Variants in SARAF observed in about 807,000 individuals in gnomAD.
SARAF encodes store-operated calcium entry associated regulatory factor.
Under a neutral mutation model 39.7 loss-of-function variants are expected in SARAF, and 23 were observed. The ratio of observed to expected loss-of-function variants is 0.58; its 90% CI spans 0.42 to 0.82. The LOEUF is 0.82. Ranked by LOEUF, SARAF falls within the 40% of genes least tolerant of loss-of-function variation. SARAF has a pLI of 0.00. For missense variants in SARAF, 384 were observed against 418.5 expected, an observed-to-expected ratio of 0.92 and a Z score of 0.72; for synonymous variants, 175 against 168.5, an observed-to-expected ratio of 1.04 and a Z score of -0.30.
chr8:30,076,314 CA>C (rs1471930606), intron 1 of SARAF, among the ~76,000 whole-genome samples: 1 of 152,198 alleles, frequency 6.6e-6, no homozygotes, highest in South Asian at 2.1e-4. Context: ...ACATGGTGCA[CA>C]AAATGCTAAC....
intron 5 of SARAF, among the ~76,000 whole-genome samples, chr8:30,064,751 T>A (rs896358529): frequency 1.3e-5 from 2 of 151,374 alleles, no homozygotes; most frequent in African/African-American, 4.9e-5. Context: ...TTAGCAGACA[T>A]GGGGTTTCAC....
chr8:30,080,703 A>AT (rs967930731), intron 1 of SARAF, among the ~76,000 whole-genome samples: 2 of 151,906 alleles, frequency 1.3e-5, no homozygotes, highest in Admixed American at 6.6e-5. Context: ...AATGGTGCTA[A>AT]TTTTTTTTTC....
intron 1 of SARAF, among the ~76,000 whole-genome samples, chr8:30,077,262 C>A (rs892332886): frequency 3.3e-5 from 5 of 151,356 alleles, no homozygotes; most frequent in Non-Finnish European, 5.9e-5. Context: ...TTAAGACCAG[C>A]CTAAGCAACA....
chr8:30,071,478 A>T (rs1801841429), intron 2 of SARAF, among the ~76,000 whole-genome samples: 1 of 152,244 alleles, frequency 6.6e-6, no homozygotes, highest in African/African-American at 2.4e-5. Context: ...TAATAGCCTT[A>T]TTGAAATATA....
Position 30,069,638 on chromosome 8 carries a change from A to C in SARAF, c.700+4T>G. ...TATTTATGGCCACTGCGAGGGAAACATACCTGTGAACTCAGACTTAAAGCC... is the reference window on the plus strand; with the variant it reads ...TATTTATGGCCACTGCGAGGGAAACCTACCTGTGAACTCAGACTTAAAGCC... On this transcript the variant is annotated splice_donor_region_variant and intron_variant, in intron 3 of 5. Coordinates refer to ENST00000256255, the MANE Select transcript of SARAF (RefSeq NM_016127.6). The C allele has an allele frequency of 1.3e-6, 2 of 1,546,568 alleles. No individual in the cohort carries two copies. Among genetic ancestry groups the C allele is most frequent in the Non-Finnish European group, 1.8e-6 (2 of 1,129,940 alleles).
In SARAF at chr8:30,083,045, C is replaced by T. The variant is rs545712679; in HGVS notation, c.-96G>A. 3.2e-6 allele frequency: 3 copies of T among 927,500 alleles called. No homozygotes were observed. Among genetic ancestry groups the T allele is most frequent in the East Asian group, 6.4e-5 (2 of 31,400 alleles). 57.5% of individuals were successfully genotyped at this position (927,500 alleles called of 1,614,324 possible). A position where few individuals can be genotyped will look rare whatever the true frequency, so the allele number is the denominator to read the frequency against. On this transcript the variant is annotated 5_prime_UTR_variant, in exon 1 of 6. Transcript: ENST00000256255. ...ACGCTGCGCAGCTACACCGCTACCCCTGGCGGCGGCGAAGGAACGGCCCGA... is the reference window on the plus strand; with the variant it reads ...ACGCTGCGCAGCTACACCGCTACCCTTGGCGGCGGCGAAGGAACGGCCCGA...
At chr8:30,079,207 G>A (rs1411318781) in intron 1 of SARAF, among the ~76,000 whole-genome samples, 1 of 149,608 alleles carries the variant, frequency 6.7e-6, no homozygotes, top group Non-Finnish European at 1.5e-5. Context: ...TAGGGAATTG[G>A]AACAGAGACA....
At chr8:30,064,852 C>A (rs765600419) in intron 5 of SARAF, among the ~76,000 whole-genome samples, 1 of 151,802 alleles carries the variant, frequency 6.6e-6, no homozygotes, top group Non-Finnish European at 1.5e-5. Context: ...TGTGAGCCAC[C>A]GTGCCTGGCC....
At chr8:30,079,644 C>A (rs561810959) in intron 1 of SARAF, among the ~76,000 whole-genome samples, 1 of 152,184 alleles carries the variant, frequency 6.6e-6, no homozygotes, top group East Asian at 1.9e-4. Context: ...TGACTTTGGC[C>A]AAGGCATTTA....
At chr8:30,074,203 C>A in intron 1 of SARAF, 148 bp from the exon 2 acceptor site, 1 of 880,382 alleles carries the variant, frequency 1.1e-6, no homozygotes, top group Non-Finnish European at 1.7e-6. Context: ...TCAAAACTAT[C>A]CCAACAACAT....
At chr8:30,072,686 A>G (rs542138823) in intron 2 of SARAF, among the ~76,000 whole-genome samples, 1 of 152,294 alleles carries the variant, frequency 6.6e-6, no homozygotes. Context: ...TCCTGCTACT[A>G]AACATAAGCC....
At chr8:30,080,493 C>T (rs888399288) in intron 1 of SARAF, among the ~76,000 whole-genome samples, 6 of 152,200 alleles carry the variant, frequency 3.9e-5, no homozygotes, top group Admixed American at 3.9e-4. Flanking sequence ...TTATCATACA[C>T]GGTGCATACC....
intron 1 of SARAF, among the ~76,000 whole-genome samples, chr8:30,080,625 G>A (rs73567742): frequency 0.027 from 4,156 of 152,220 alleles, 200 homozygotes; most frequent in African/African-American, 0.095. Context: ...CCCAACACCC[G>A]GAAGAGTAAC....
At chr8:30,074,633 TA>T (rs1224736650) in intron 1 of SARAF, among the ~76,000 whole-genome samples, 3 of 152,342 alleles carry the variant, frequency 2.0e-5, no homozygotes, top group Non-Finnish European at 2.9e-5. Flanking sequence ...TACATACTGT[TA>T]ATGTCTATAT....
At chr8:30,077,501 C>G (rs1801995795) in intron 1 of SARAF, among the ~76,000 whole-genome samples, 1 of 151,856 alleles carries the variant, frequency 6.6e-6, no homozygotes, top group African/African-American at 2.4e-5. Context: ...AGAAAATCTT[C>G]TAGAAAGTAG....
At chr8:30,077,391 C>T (rs941474015) in intron 1 of SARAF, among the ~76,000 whole-genome samples, 3 of 152,076 alleles carry the variant, frequency 2.0e-5, no homozygotes, top group Non-Finnish European at 2.9e-5. Flanking sequence ...CTGGGGAGGT[C>T]GAGGCTGCAG....
intron 1 of SARAF, 109 bp from the exon 2 acceptor site, chr8:30,074,164 G>T: frequency 8.2e-7 from 1 of 1,221,090 alleles, no homozygotes. Flanking sequence ...TGCCTTCTGA[G>T]GATGGCTAAG....
intron 3 of SARAF, among the ~76,000 whole-genome samples, chr8:30,068,935 C>A (rs900822405): frequency 1.3e-5 from 2 of 151,978 alleles, no homozygotes; most frequent in African/African-American, 4.8e-5. Context: ...TTTAAGAAAT[C>A]TTTCCCTATC....
rs1023224157 is a variant in SARAF, at chr8:30,082,833, C to G, written c.103+14G>C. The G allele has an allele frequency of 1.1e-5, 16 of 1,448,258 alleles. No individual in the cohort carries two copies. The African/African-American group carries it at 2.2e-4, about 20-fold the overall frequency. 89.7% of individuals were successfully genotyped at this position (1,448,258 alleles called of 1,614,324 possible). On this transcript the variant is annotated intron_variant, in intron 1 of 5. Coordinates refer to ENST00000256255, the MANE Select transcript of SARAF (RefSeq NM_016127.6). ...AGGGCGAACGAAGCGCCTGAGGGCC[C>G]TGGCAGCACTCACCAGGGTCGTTCC...
Sources: gnomAD v4.1 joint callset for allele counts (sites outside exome capture counted in the v4.1 genomes callset) on GRCh38, gnomAD v4.1.1 for gene constraint, MANE v1.5 for transcripts, NCBI Gene and HGNC (gene_info 2026-07-23, HGNC 2026-07-21) for gene names.